Variants in ZNF79 observed in about 807,000 individuals in gnomAD.
ZNF79 encodes ZNFpT7.
ZNF79 carries 13 observed loss-of-function variants against 14.9 expected under a neutral mutation model. The observed-to-expected ratio is 0.87, with a 90% CI of 0.57 to 1.38. The LOEUF (loss-of-function observed/expected upper bound fraction) is 1.38, where lower values mean the gene tolerates loss of function less well. Ranked by LOEUF, ZNF79 falls within the 40% of genes most tolerant of loss-of-function variation. The pLI is 0.00. For synonymous variants in ZNF79, 223 were observed against 235.1 expected (o/e 0.95, Z 0.47); for missense variants, 631 against 630.6 (o/e 1.00, Z -0.01).
intron 1 of ZNF79, 44 bp from the exon 2 acceptor site, chr9:127,428,788 C>T: frequency 2.0e-6 from 3 of 1,481,246 alleles, no homozygotes; most frequent in Non-Finnish European, 2.7e-6. Flanking sequence ...CTGGTGACTT[C>T]ATAAACTGCT....
At chr9:127,439,863 A>T (rs1486648039) in intron 4 of ZNF79, among the ~76,000 whole-genome samples, 1 of 151,854 alleles carries the variant, frequency 6.6e-6, no homozygotes, top group Non-Finnish European at 1.5e-5. Context: ...ACAATAACTA[A>T]TCTACTTTTT....
chr9:127,429,359 C>T (rs1249210972), intron 2 of ZNF79, among the ~76,000 whole-genome samples: 3 of 150,514 alleles, frequency 2.0e-5, no homozygotes, highest in African/African-American at 7.4e-5. Context: ...TTCAGTCTGT[C>T]ACCTAGAATG....
At position 127,444,709 on chromosome 9, in the gene ZNF79, G is replaced by C. The variant is rs1346487947; in HGVS notation, c.1009G>C (p.Glu337Gln). ...CGGGGAGAAGCCCTACAAGTGCAGC[G>C]AGTGTGGGAAGGCCTTCAGTTACTG... is the stretch of plus-strand genomic sequence containing the variant. ...HTGEKPYKCSECGKAFSYCAA... is the reference protein window; with the variant it reads ...HTGEKPYKCSQCGKAFSYCAA... Residue 337 changes from glutamate (E) to glutamine (Q), a missense_variant, in exon 5 of 5, where the codon GAG becomes CAG. Glu to Gln is a conservative substitution (Grantham distance 29, BLOSUM62 2). Transcript: ENST00000342483. The C allele has an allele frequency of 1.2e-6, 2 of 1,613,900 alleles. No homozygotes were observed. Among genetic ancestry groups the C allele is most frequent in the Non-Finnish European group, 1.7e-6 (2 of 1,179,892 alleles).
At chr9:127,438,458 C>T (rs932194012) in intron 4 of ZNF79, among the ~76,000 whole-genome samples, 1 of 152,198 alleles carries the variant, frequency 6.6e-6, no homozygotes, top group Non-Finnish European at 1.5e-5. Flanking sequence ...CTGCAGGAGC[C>T]TCCATGTGTT....
At position 127,445,356 on chromosome 9, in the gene ZNF79, CTA is replaced by C. The variant is rs1302141122; in HGVS notation, c.*161_*162del. On this transcript the variant is annotated 3_prime_UTR_variant, in exon 5 of 5. Transcript: ENST00000342483. ...GCAAAACACCTTCAATAAACAGCCA[CTA>C]TTTCACATGCTGTATATGGACGCTC... The C allele has an allele frequency of 1.5e-6, 1 of 677,684 alleles. No homozygotes were observed. The highest frequency in any genetic ancestry group is 1.8e-5 in the African/African-American group (1 of 55,330). The allele number at this position is 677,684 out of a possible 1,614,324, so 42.0% of individuals were successfully genotyped here.
At chr9:127,428,574 A>G (rs1833802715) in intron 1 of ZNF79, 3 of 865,320 alleles carry the variant, frequency 3.5e-6, no homozygotes, top group Non-Finnish European at 4.4e-6. Context: ...AGACTTAGAG[A>G]GGTTACGTGA....
chr9:127,428,556 G>T, intron 1 of ZNF79: 1 of 698,806 alleles, frequency 1.4e-6, no homozygotes. Flanking sequence ...TTGCAGATGA[G>T]AAAAATGAGA....
Position 127,445,286 on chromosome 9 carries a change from G to A in ZNF79, c.*89G>A, listed in dbSNP as rs1834151375. 7.1e-7 allele frequency: 1 copy of A among 1,417,352 alleles called. No homozygotes were observed. The highest frequency in any genetic ancestry group is 1.3e-5 in the South Asian group (1 of 75,370). 87.8% of individuals were successfully genotyped at this position (1,417,352 alleles called of 1,614,324 possible). On this transcript the variant is annotated 3_prime_UTR_variant, in exon 5 of 5. Coordinates refer to ENST00000342483, the MANE Select transcript of ZNF79 (RefSeq NM_007135.3). Reference sequence around the variant, plus strand: ...TCTGAGAAATGCTAAAGGCTTGAAAGCATCTGAAGACATCTAACTTAGAGT... The same window carrying A: ...TCTGAGAAATGCTAAAGGCTTGAAAACATCTGAAGACATCTAACTTAGAGT...
chr9:127,439,298 T>C (rs1165237345), intron 4 of ZNF79, among the ~76,000 whole-genome samples: 2 of 152,108 alleles, frequency 1.3e-5, no homozygotes, highest in South Asian at 2.1e-4. Context: ...ACTACATGGA[T>C]TCCAGGCACA....
intron 4 of ZNF79, among the ~76,000 whole-genome samples, chr9:127,439,863 A>G (rs1486648039): frequency 2.0e-5 from 3 of 151,854 alleles, no homozygotes; most frequent in Non-Finnish European, 4.4e-5. Context: ...ACAATAACTA[A>G]TCTACTTTTT....
intron 1 of ZNF79, 179 bp downstream of exon 1, chr9:127,424,982 C>G (rs1183259731): frequency 1.4e-6 from 2 of 1,454,038 alleles, no homozygotes; most frequent in African/African-American, 2.9e-5. Flanking sequence ...AACATGTGCC[C>G]CTACAGTCCT....
At chr9:127,431,348 C>T (rs542571497) in intron 2 of ZNF79, among the ~76,000 whole-genome samples, 3 of 151,930 alleles carry the variant, frequency 2.0e-5, no homozygotes, top group Non-Finnish European at 2.9e-5. Flanking sequence ...CCTCCACCCC[C>T]CCAATGCTCA....
intron 1 of ZNF79, among the ~76,000 whole-genome samples, chr9:127,426,833 C>T (rs1833764087): frequency 6.6e-6 from 1 of 152,086 alleles, no homozygotes; most frequent in Non-Finnish European, 1.5e-5. Context: ...GGAATTACTG[C>T]GTCATACAAC....
Position 127,445,046 on chromosome 9 carries a change from A to G in ZNF79, c.1346A>G (p.Glu449Gly). Residue 449 changes from glutamate (E) to glycine (G), a missense_variant, in exon 5 of 5, where the codon GAG becomes GGG. By Grantham distance (98) the Glu-to-Gly change is moderately conservative. Transcript: ENST00000342483. ...GGAGAAAAACCTTATGAGTGTAATG[A>G]GTGTGGTAAAGCGTTTAACCAGAGC... ...HTGEKPYECN[E>G]CGKAFNQSSS... 1 of 1,614,038 alleles carries G rather than the reference A, an allele frequency of 6.2e-7. No individual in the cohort carries two copies. Among genetic ancestry groups the G allele is most frequent in the East Asian group, 2.2e-5 (1 of 44,880 alleles).
chr9:127,436,063 G>A (rs4500179), intron 4 of ZNF79, 60 bp downstream of exon 4: 799,631 of 1,361,764 alleles, frequency 0.59, 237,367 homozygotes, highest in Admixed American at 0.66. Flanking sequence ...TTTAAATCAC[G>A]CATGAGTGTA....
intron 2 of ZNF79, among the ~76,000 whole-genome samples, chr9:127,433,612 C>A (rs746386608): frequency 6.6e-6 from 1 of 152,180 alleles, no homozygotes; most frequent in Non-Finnish European, 1.5e-5. Flanking sequence ...CTTTAGCTGA[C>A]CTGTGTGCCT....
chr9:127,437,250 C>T (rs1474664112), intron 4 of ZNF79, among the ~76,000 whole-genome samples: 2 of 152,082 alleles, frequency 1.3e-5, no homozygotes, highest in African/African-American at 2.4e-5. Context: ...TGTTACCTCC[C>T]CCTCATGGTG....
In ZNF79 at chr9:127,444,571, G is replaced by A. The variant is rs765083551; in HGVS notation, c.871G>A (p.Ala291Thr). ...TGAGAAAGCCTTCAGTGACTGCTCA[G>A]CTCTTGTTCAGCATCAGAGAATTCA... ...ECEKAFSDCS[A>T]LVQHQRIHTG... The change falls in exon 5 of 5, where the codon GCT (alanine) becomes ACT (threonine). Residue 291 changes from alanine (A) to threonine (T), a missense_variant. By Grantham distance (58) the Ala-to-Thr change is moderately conservative (BLOSUM62 0). Transcript: ENST00000342483. 6.2e-7 allele frequency: 1 copy of A among 1,613,468 alleles called. No homozygotes were observed. The highest frequency in any genetic ancestry group is 1.7e-5 in the Admixed American group (1 of 59,952).
rs1834127236 is a variant in ZNF79 at position 127,444,723 on chromosome 9, C to T, written c.1023C>T (p.Ala341=). Residue 341 remains alanine (A), a synonymous_variant, in exon 5 of 5, where the codon GCC becomes GCT. Coordinates refer to ENST00000342483, the MANE Select transcript of ZNF79 (RefSeq NM_007135.3). The part of the protein sequence containing the change: ...KPYKCSECGK[A]FSYCAAFIQH... ...ACAAGTGCAGCGAGTGTGGGAAGGCCTTCAGTTACTGCGCAGCGTTCATTC... is the reference window on the plus strand; with the variant it reads ...ACAAGTGCAGCGAGTGTGGGAAGGCTTTCAGTTACTGCGCAGCGTTCATTC... The T allele has an allele frequency of 6.2e-7, 1 of 1,613,832 alleles. No homozygotes were observed. Among genetic ancestry groups the T allele is most frequent in the South Asian group, 1.1e-5 (1 of 91,060 alleles).
Sources: gnomAD v4.1 joint callset for allele counts (sites outside exome capture counted in the v4.1 genomes callset) on GRCh38, gnomAD v4.1.1 for gene constraint, MANE v1.5 for transcripts, NCBI Gene and HGNC (gene_info 2026-07-23, HGNC 2026-07-21) for gene names.